The following ARHGEF9 variants were observed in gnomAD, a reference collection of about 807,000 sequenced individuals.
ARHGEF9 encodes rho guanine nucleotide exchange factor 9.
ARHGEF9 carries 2 observed loss-of-function variants against 41.3 expected under a neutral mutation model. The ratio of observed to expected loss-of-function variants is 0.05; its 90% CI spans 0.02 to 0.15. The LOEUF (loss-of-function observed/expected upper bound fraction) is 0.15, where lower values mean the gene tolerates loss of function less well. Ranked by LOEUF, ARHGEF9 falls within the 10% of genes least tolerant of loss-of-function variation. The pLI, the probability that ARHGEF9 is intolerant of heterozygous loss-of-function variation, is 1.00. For synonymous variants in ARHGEF9, 160 were observed against 154.4 expected, an observed-to-expected ratio of 1.04 and a Z score of -0.27; for missense variants, 225 against 424.7, an observed-to-expected ratio of 0.53 and a Z score of 4.13.
intron 4 of ARHGEF9, among the ~76,000 whole-genome samples, chrX:63,680,512 T>C (rs1277545833): frequency 1.7e-4 from 19 of 111,846 alleles, no homozygotes; most frequent in Non-Finnish European, 1.1e-4. Flanking sequence ...AAGACAGATA[T>C]AGCCTAGATG....
In ARHGEF9 at chrX:63,689,129, C is replaced by T. The variant is rs1269357442; in HGVS notation, c.582+7996G>A. Among the ~76,000 whole-genome samples, 7 of 111,133 alleles carry T rather than the reference C, an allele frequency of 6.3e-5. No homozygotes were observed. The Admixed American group carries it at 6.7e-4, about 11-fold the overall frequency. ...CAAAATGGCAGTAGTAAGTCCTTAC[C>T]TTTCAAAAATAACATTGAATGTAAA... On this transcript the variant is annotated intron_variant, in intron 4 of 9. Transcript: ENST00000671741.
rs190508749 is a variant in ARHGEF9, at chrX:63,648,890, A to G, written c.1322-4842T>C. On this transcript the variant is annotated intron_variant, in intron 8 of 9. Coordinates refer to ENST00000671741, the MANE Select transcript of ARHGEF9 (RefSeq NM_001353921.2). ...TAATGGTAAGGGCATCAATTCAACA[A>G]GAAGAGCTAACTCTCCTAAATATAT... Among the ~76,000 whole-genome samples, 14 of 112,017 alleles carry G rather than the reference A, an allele frequency of 1.2e-4. No individual in the cohort carries two copies. In the East Asian group the frequency reaches 3.9e-3, roughly 31 times the overall value.
Position 63,760,214 on chromosome X carries a change from G to A in ARHGEF9, c.30+24902C>T, listed in dbSNP as rs1394076954. 3.6e-5 allele frequency among the ~76,000 whole-genome samples: 4 copies of A among 110,162 alleles called. No homozygotes were observed. The East Asian group carries it at 1.1e-3, about 32-fold the overall frequency. ...ATTTTTTTTTGTCCCGATCTCCACT[G>A]CTGCTCACTTCCCATCCAACCCCTA... On this transcript the variant is annotated intron_variant, in intron 1 of 9. Coordinates refer to ENST00000671741, the MANE Select transcript of ARHGEF9 (RefSeq NM_001353921.2).
intron 7 of ARHGEF9, among the ~76,000 whole-genome samples, chrX:63,661,758 TTCTCTCTCTCTC>T (rs199903174): frequency 3.8e-5 from 4 of 106,159 alleles, no homozygotes; most frequent in African/African-American, 6.8e-5. Flanking sequence ...TGCTCTCCTT[TTCTCTCTCTCTC>T]TCTCTCTCTC....
chrX:63,772,153 A>C (rs1429069502), intron 1 of ARHGEF9, among the ~76,000 whole-genome samples: 1 of 112,427 alleles, frequency 8.9e-6, no homozygotes, highest in Non-Finnish European at 1.9e-5. Flanking sequence ...ACTCAAAATT[A>C]CACAGCTGGT....
chrX:63,726,451 G>A (rs2053971028), intron 1 of ARHGEF9, among the ~76,000 whole-genome samples: 1 of 111,710 alleles, frequency 9.0e-6, no homozygotes, highest in South Asian at 3.8e-4. Flanking sequence ...CGATTCTGGT[G>A]TCTCGGCCTC....
intron 7 of ARHGEF9, among the ~76,000 whole-genome samples, chrX:63,656,086 G>C (rs1556335837): frequency 9.0e-6 from 1 of 111,634 alleles, no homozygotes; most frequent in African/African-American, 3.3e-5. Context: ...CCCACTAGAG[G>C]TATGAAATGA....
At chrX:63,783,351 C>T (rs1278745919) in intron 1 of ARHGEF9, among the ~76,000 whole-genome samples, 5 of 107,483 alleles carry the variant, frequency 4.7e-5, no homozygotes, top group Admixed American at 9.9e-5. Flanking sequence ...CTCGGCTCAC[C>T]GCAACCTCCC....
intron 8 of ARHGEF9, among the ~76,000 whole-genome samples, chrX:63,650,111 CAGT>C (rs1358665984): frequency 5.4e-5 from 6 of 111,347 alleles, no homozygotes; most frequent in Admixed American, 1.9e-4. Flanking sequence ...TATAGAAAAA[CAGT>C]AGAAAAGTTC....
intron 4 of ARHGEF9, among the ~76,000 whole-genome samples, chrX:63,696,300 T>C (rs1253747565): frequency 5.4e-5 from 6 of 111,887 alleles, no homozygotes; most frequent in African/African-American, 2.0e-4. Flanking sequence ...AAATACTTTA[T>C]TAAAAGGGGA....
intron 7 of ARHGEF9, among the ~76,000 whole-genome samples, chrX:63,662,995 T>C (rs2049308896): frequency 8.9e-6 from 1 of 111,870 alleles, no homozygotes; most frequent in African/African-American, 3.2e-5. Flanking sequence ...TATTTTTAAA[T>C]AACATCATAC....
At chrX:63,760,369 A>G (rs1246328905) in intron 1 of ARHGEF9, among the ~76,000 whole-genome samples, 1 of 111,377 alleles carries the variant, frequency 9.0e-6, no homozygotes, top group South Asian at 3.8e-4. Flanking sequence ...TATTTAAGAC[A>G]GGCTGCCCCC....
rs781982072 is a variant in ARHGEF9, at chrX:63,742,302, A to G, written c.31-17591T>C. Among the ~76,000 whole-genome samples, 189 of 111,632 alleles carry G rather than the reference A, an allele frequency of 1.7e-3. 2 individuals are homozygous for G. The highest frequency in any genetic ancestry group is 5.7e-3 in the African/African-American group (176 of 30,718). On this transcript the variant is annotated intron_variant, in intron 1 of 9. Transcript: ENST00000671741. Reference sequence around the variant, plus strand: ...AGTTTCCCCAGAAGTACACTGAAGGAACGAGCTCAATGCTTGGGTTCCTCT... The same window carrying G: ...AGTTTCCCCAGAAGTACACTGAAGGGACGAGCTCAATGCTTGGGTTCCTCT...
At chrX:63,782,722 A>T (rs1556462980) in intron 1 of ARHGEF9, among the ~76,000 whole-genome samples, 1 of 112,667 alleles carries the variant, frequency 8.9e-6, no homozygotes, top group African/African-American at 3.2e-5. Flanking sequence ...GCCACGTTAT[A>T]AAATGGTGGC....
chrX:63,782,716 C>T (rs1490122265), intron 1 of ARHGEF9, among the ~76,000 whole-genome samples: 3 of 112,437 alleles, frequency 2.7e-5, no homozygotes, highest in African/African-American at 9.7e-5. Flanking sequence ...CAGCTAGCCA[C>T]GTTATAAAAT....
At position 63,785,199 on chromosome X, in the gene ARHGEF9, C is replaced by T. The variant is rs2056442811; in HGVS notation, c.-54G>A. 14 of 1,142,658 alleles carry T rather than the reference C, an allele frequency of 1.2e-5. No individual in the cohort carries two copies. The highest frequency in any genetic ancestry group is 2.4e-4 in the Middle Eastern group (1 of 4,235). 94.2% of individuals were successfully genotyped at this position (1,142,658 alleles called of 1,213,427 possible). A position where few individuals can be genotyped will look rare whatever the true frequency, so the allele number is the denominator to read the frequency against. ...GCCCCGTAGCTGGCGCGAGTTGTCG[C>T]GGGCTGACTAGAAGGGCTGGGCTGA... is the stretch of plus-strand genomic sequence containing the variant. On this transcript the variant is annotated 5_prime_UTR_variant, in exon 1 of 10. Coordinates refer to ENST00000671741, the MANE Select transcript of ARHGEF9 (RefSeq NM_001353921.2).
intron 5 of ARHGEF9, 88 bp downstream of exon 5, chrX:63,678,252 A>C: frequency 1.2e-6 from 1 of 823,916 alleles, no homozygotes; most frequent in Non-Finnish European, 1.8e-6. Context: ...ACAGAAGCTC[A>C]GAAAGGGCAA....
intron 6 of ARHGEF9, among the ~76,000 whole-genome samples, chrX:63,666,261 C>A (rs2049538267): frequency 9.3e-6 from 1 of 107,118 alleles, no homozygotes; most frequent in Admixed American, 1.0e-4. Flanking sequence ...ACTGCTACAG[C>A]TTTTCTACAC....
intron 1 of ARHGEF9, among the ~76,000 whole-genome samples, chrX:63,749,285 G>T (rs1556437858): frequency 9.0e-6 from 1 of 111,473 alleles, no homozygotes; most frequent in African/African-American, 3.3e-5. Flanking sequence ...AGGCTGGAGT[G>T]CAGTGGCATG....
Sources: allele counts gnomAD v4.1 joint callset (sites outside exome capture counted in the v4.1 genomes callset), GRCh38; gene constraint gnomAD v4.1.1; transcripts MANE v1.5; gene names NCBI Gene and HGNC (gene_info 2026-07-23, HGNC 2026-07-21).